CRYBG1: variants seen among roughly 807,000 people sequenced by gnomAD.
The protein encoded by CRYBG1 is crystallin beta-gamma domain containing 1.
In CRYBG1, 139 loss-of-function variants were observed where a neutral mutation model predicts 189.2. The observed-to-expected ratio is 0.73, with a 90% CI of 0.64 to 0.85. The LOEUF (loss-of-function observed/expected upper bound fraction) is 0.85. CRYBG1 is among the 40% of genes least tolerant of loss of function. The pLI is 0.00. For missense variants in CRYBG1, 2,611 were observed against 2,675.8 expected (o/e 0.98, Z 0.53); for synonymous variants, 1,023 against 1,017.1 (o/e 1.01, Z -0.11).
intron 8 of CRYBG1, among the ~76,000 whole-genome samples, chr6:106,534,405 A>T (rs1161505913): frequency 6.6e-6 from 1 of 152,086 alleles, no homozygotes; most frequent in African/African-American, 2.4e-5. Flanking sequence ...TTGGTTGGTG[A>T]GCTTAGACAC....
intron 1 of CRYBG1, among the ~76,000 whole-genome samples, chr6:106,377,603 C>T (rs1770192569): frequency 4.7e-5 from 1 of 21,084 alleles, no homozygotes; most frequent in Non-Finnish European, 9.1e-5. Flanking sequence ...CACTGTGTAA[C>T]TCATAAGTCC....
chr6:106,443,892 T>C lies in CRYBG1; in HGVS notation c.174-7802T>C, dbSNP rs530987294. On this transcript the variant is annotated intron_variant, in intron 1 of 21. Coordinates refer to ENST00000633556, the MANE Select transcript of CRYBG1 (RefSeq NM_001371242.2). The stretch of plus-strand genomic sequence containing the variant: ...CAATCCAATTATTTTCTTTTAGTTA[T>C]TTTTTAATGTACAATAAAGTAGTGT... Among the ~76,000 whole-genome samples the C allele has an allele frequency of 7.2e-5, 11 of 152,332 alleles. No individual in the cohort carries two copies. The East Asian group carries it at 1.3e-3, about 19-fold the overall frequency.
chr6:106,553,408 T>C, intron 15 of CRYBG1, 47 bp from the exon 16 acceptor site: 1 of 1,288,094 alleles, frequency 7.8e-7, no homozygotes, highest in Non-Finnish European at 1.1e-6. Flanking sequence ...AATTAGTTAA[T>C]GTGTTTAGGA....
chr6:106,374,273 G>A (rs958278273), intron 1 of CRYBG1, among the ~76,000 whole-genome samples: 5 of 152,178 alleles, frequency 3.3e-5, no homozygotes, highest in African/African-American at 1.2e-4. Flanking sequence ...GCATAAGACA[G>A]CCTGGCACGG....
intron 1 of CRYBG1, among the ~76,000 whole-genome samples, chr6:106,361,590 A>G (rs985593621): frequency 6.6e-6 from 1 of 152,166 alleles, no homozygotes; most frequent in African/African-American, 2.4e-5. Flanking sequence ...CCCCCATTTC[A>G]TGGGTGGAGG....
At chr6:106,509,285 A>G (rs1773195323) in intron 2 of CRYBG1, among the ~76,000 whole-genome samples, 1 of 152,224 alleles carries the variant, frequency 6.6e-6, no homozygotes, top group Non-Finnish European at 1.5e-5. Flanking sequence ...CCTGACCCAT[A>G]AGGATAGCTC....
At chr6:106,421,796 G>A (rs902357657) in intron 1 of CRYBG1, among the ~76,000 whole-genome samples, 3 of 152,134 alleles carry the variant, frequency 2.0e-5, no homozygotes, top group African/African-American at 7.2e-5. Context: ...ATTTAATGGA[G>A]AACTCACAGT....
chr6:106,530,096 TAAG>T (rs756017960), intron 7 of CRYBG1, 77 bp from the exon 8 acceptor site: 284 of 1,295,148 alleles, frequency 2.2e-4, no homozygotes, highest in Non-Finnish European at 2.6e-4. Flanking sequence ...TGATTAGTTG[TAAG>T]AAGAAGAAGA....
chr6:106,470,743 G>A (rs1263450799), intron 2 of CRYBG1, among the ~76,000 whole-genome samples: 2 of 152,150 alleles, frequency 1.3e-5, no homozygotes, highest in South Asian at 2.1e-4. Flanking sequence ...TATAATTAAT[G>A]TGTATCACTC....
In CRYBG1 at chr6:106,571,407, T is replaced by C. The variant is rs1406205330; in HGVS notation, c.*2841T>C. 1 of 152,436 alleles carries C rather than the reference T, an allele frequency of 6.6e-6. No individual in the cohort carries two copies. Among genetic ancestry groups the C allele is most frequent in the African/African-American group, 2.4e-5 (1 of 41,438 alleles). The allele number at this position is 152,436 out of a possible 1,614,324, so 9.4% of individuals were successfully genotyped here. A position where few individuals can be genotyped will look rare whatever the true frequency, so the allele number is the denominator to read the frequency against. On this transcript the variant is annotated 3_prime_UTR_variant, in exon 22 of 22. Transcript: ENST00000633556. ...CACTGAAAGTTTTAGTATTGTACAT[T>C]AAGACGATCAGGCCCAGCAGGGTGG...
Position 106,571,376 on chromosome 6 carries a change from T to C in CRYBG1, c.*2810T>C, listed in dbSNP as rs1365880077. 2 of 152,362 alleles carry C rather than the reference T, an allele frequency of 1.3e-5. No homozygotes were observed. Among genetic ancestry groups the C allele is most frequent in the African/African-American group, 2.4e-5 (1 of 41,554 alleles). 9.4% of individuals were successfully genotyped at this position (152,362 alleles called of 1,614,324 possible). The stretch of plus-strand genomic sequence containing the variant: ...AATTATCTCTTCATGCCAACATCCA[T>C]CTATACACTGAAAGTTTTAGTATTG... On this transcript the variant is annotated 3_prime_UTR_variant, in exon 22 of 22. Transcript: ENST00000633556.
rs954182276 is a variant in CRYBG1, at chr6:106,436,909, C to A, written c.174-14785C>A. ...TAAAAGACTGTAGCAATTAATATAACCCCCCCCACCCCCGAGTAGTATGTT... is the reference window on the plus strand; with the variant it reads ...TAAAAGACTGTAGCAATTAATATAAACCCCCCCACCCCCGAGTAGTATGTT... On this transcript the variant is annotated intron_variant, in intron 1 of 21. Transcript: ENST00000633556. 7.8e-5 allele frequency among the ~76,000 whole-genome samples: 5 copies of A among 63,852 alleles called. No individual in the cohort carries two copies. In the African/African-American group the frequency reaches 9.9e-4, roughly 13 times the overall value. 41.9% of individuals were successfully genotyped at this position (63,852 alleles called of 152,430 possible).
intron 1 of CRYBG1, among the ~76,000 whole-genome samples, chr6:106,403,248 G>T (rs1023334231): frequency 6.6e-6 from 1 of 152,148 alleles, no homozygotes; most frequent in Non-Finnish European, 1.5e-5. Flanking sequence ...GAGGTGGGAG[G>T]ATTACTTGAG....
rs891809246 is a variant in CRYBG1 at position 106,568,831 on chromosome 6, G to T, written c.*265G>T. ...GCTTAAACAGGTTGCCTAATTAGCA[G>T]CTTTTGGGTGATTTTGTAAAATGTT... On this transcript the variant is annotated 3_prime_UTR_variant, in exon 22 of 22. Coordinates refer to ENST00000633556, the MANE Select transcript of CRYBG1 (RefSeq NM_001371242.2). 1 of 352,964 alleles carries T rather than the reference G, an allele frequency of 2.8e-6. No individual in the cohort carries two copies. Among genetic ancestry groups the T allele is most frequent in the Non-Finnish European group, 5.2e-6 (1 of 192,436 alleles). 21.9% of individuals were successfully genotyped at this position (352,964 alleles called of 1,614,324 possible).
intron 1 of CRYBG1, among the ~76,000 whole-genome samples, chr6:106,447,536 T>G (rs4946754): frequency 0.74 from 108,152 of 146,140 alleles, 39,899 homozygotes; most frequent in East Asian, 0.84. Context: ...TTGTACCTCA[T>G]GTACCTCATA....
Position 106,512,586 on chromosome 6 carries a change from C to T in CRYBG1, c.1469C>T (p.Pro490Leu). The T allele has an allele frequency of 6.2e-7, 1 of 1,605,790 alleles. No individual in the cohort carries two copies. The highest frequency in any genetic ancestry group is 8.5e-7 in the Non-Finnish European group (1 of 1,176,920). Residue 490 changes from proline (P) to leucine (L), a missense_variant, in exon 3 of 22, where the codon CCC becomes CTC. Pro to Leu is a moderately conservative substitution (Grantham distance 98). Transcript: ENST00000633556. The stretch of plus-strand genomic sequence containing the variant: ...GCGAGCCCAGAGTCCAAGCCCAGCC[C>T]CGGTACCAAAGGGCAGCTCCGAGGG... ...SAASPESKPS[P>L]GTKGQLRGES...
intron 2 of CRYBG1, among the ~76,000 whole-genome samples, chr6:106,455,700 C>T (rs1029639069): frequency 5.9e-5 from 9 of 151,996 alleles, no homozygotes; most frequent in East Asian, 1.9e-4. Flanking sequence ...CAATTATTCT[C>T]GCCTCACATT....
chr6:106,395,645 G>A (rs1770589243), intron 1 of CRYBG1, among the ~76,000 whole-genome samples: 3 of 151,966 alleles, frequency 2.0e-5, no homozygotes, highest in Non-Finnish European at 4.4e-5. Flanking sequence ...GTGAGATTAT[G>A]GATTTTCAGA....
chr6:106,429,109 C>T (rs1211140870), intron 1 of CRYBG1, among the ~76,000 whole-genome samples: 1 of 128,464 alleles, frequency 7.8e-6, no homozygotes, highest in Non-Finnish European at 1.8e-5. Flanking sequence ...ATGACCTGAA[C>T]ATTTTAACCT....
Sources: allele counts gnomAD v4.1 joint callset (sites outside exome capture counted in the v4.1 genomes callset), GRCh38; gene constraint gnomAD v4.1.1; transcripts MANE v1.5; gene names NCBI Gene and HGNC (gene_info 2026-07-23, HGNC 2026-07-21).